NIPSNAP2: variants seen among roughly 807,000 people sequenced by gnomAD.
NIPSNAP2 encodes the protein nipsnap homolog 2.
In NIPSNAP2, 42 loss-of-function variants were observed where a neutral mutation model predicts 48.4. That is an observed-to-expected ratio of 0.87 (90% CI 0.68 to 1.12). The LOEUF is 1.12. Among genes scored for constraint, NIPSNAP2 ranks in the 50% most tolerant of loss-of-function variants. The pLI, the probability that NIPSNAP2 is intolerant of heterozygous loss-of-function variation, is 0.00. For missense variants in NIPSNAP2, 314 were observed against 347.3 expected, an observed-to-expected ratio of 0.90 and a Z score of 0.76; for synonymous variants, 158 against 126.6, an observed-to-expected ratio of 1.25 and a Z score of -1.67.
intron 7 of NIPSNAP2, among the ~76,000 whole-genome samples, chr7:55,989,973 C>T (rs908039744): frequency 6.7e-6 from 1 of 149,240 alleles, no homozygotes; most frequent in Non-Finnish European, 1.5e-5. Context: ...AAAAAATTAG[C>T]TGGGTGTGGT....
chr7:55,997,824 C>T (rs1033565502), intron 9 of NIPSNAP2, among the ~76,000 whole-genome samples: 1 of 152,138 alleles, frequency 6.6e-6, no homozygotes, highest in African/African-American at 2.4e-5. Flanking sequence ...GAACTTAATA[C>T]ATCAATTAAA....
At chr7:55,989,617 C>T (rs940216833) in intron 7 of NIPSNAP2, among the ~76,000 whole-genome samples, 4 of 151,024 alleles carry the variant, frequency 2.6e-5, no homozygotes, top group African/African-American at 9.7e-5. Context: ...AGAGCAAGAT[C>T]CTGTCCCAAA....
intron 3 of NIPSNAP2, chr7:55,980,036 C>T (rs1413755170): frequency 3.2e-6 from 1 of 313,854 alleles, no homozygotes; most frequent in Non-Finnish European, 6.4e-6. Flanking sequence ...ACTGGGCTTC[C>T]TCCTGGGCAC....
At chr7:55,975,803 C>T (rs527608884) in intron 1 of NIPSNAP2, among the ~76,000 whole-genome samples, 2 of 152,136 alleles carry the variant, frequency 1.3e-5, no homozygotes, top group South Asian at 2.1e-4. Flanking sequence ...TTTGGGAGGC[C>T]GAGGTGGGCA....
At chr7:55,993,303 A>T (rs1484828395) in intron 7 of NIPSNAP2, among the ~76,000 whole-genome samples, 2 of 151,904 alleles carry the variant, frequency 1.3e-5, no homozygotes, top group Non-Finnish European at 2.9e-5. Flanking sequence ...TAAAAAAAAA[A>T]AAGGGCTGTA....
intron 7 of NIPSNAP2, among the ~76,000 whole-genome samples, chr7:55,989,800 G>T (rs1030778941): frequency 6.6e-6 from 1 of 152,012 alleles, no homozygotes; most frequent in African/African-American, 2.4e-5. Context: ...TTCATTATGG[G>T]ATTTCTTTGG....
intron 1 of NIPSNAP2, among the ~76,000 whole-genome samples, chr7:55,975,742 A>G (rs1461614241): frequency 3.3e-5 from 5 of 152,214 alleles, no homozygotes; most frequent in South Asian, 2.1e-4. Flanking sequence ...ATGGTTACAT[A>G]AAGTTCAGAA....
chr7:55,969,480 A>G (rs917610836), intron 1 of NIPSNAP2, among the ~76,000 whole-genome samples: 1 of 152,118 alleles, frequency 6.6e-6, no homozygotes, highest in African/African-American at 2.4e-5. Flanking sequence ...CTCAACAGGT[A>G]CTTCGTTAGA....
chr7:55,995,847 G>A (rs59940363), intron 8 of NIPSNAP2, among the ~76,000 whole-genome samples: 5,357 of 152,196 alleles, frequency 0.035, 326 homozygotes, highest in African/African-American at 0.12. Context: ...CTGCCCTGTC[G>A]GGAGGACTCA....
At chr7:55,984,779 C>G in intron 6 of NIPSNAP2, 68 bp from the exon 7 acceptor site, 9 of 1,145,356 alleles carry the variant, frequency 7.9e-6, no homozygotes, top group Non-Finnish European at 1.2e-5. Flanking sequence ...TTTTCTACTG[C>G]TGTTTGCTAT....
At chr7:55,968,991 GA>G (rs1786957265) in intron 1 of NIPSNAP2, among the ~76,000 whole-genome samples, 1 of 151,438 alleles carries the variant, frequency 6.6e-6, no homozygotes, top group Non-Finnish European at 1.5e-5. Flanking sequence ...AGGCTGAAGT[GA>G]GCCGAGATCG....
At position 56,000,129 on chromosome 7, in the gene NIPSNAP2, G is replaced by C. The variant is rs968615202; in HGVS notation, c.*1057G>C. ...AAATGTCAAACTTTTACATGTGAAT[G>C]ATTTTCTCAAAGAACATAGAAAAGT... On this transcript the variant is annotated 3_prime_UTR_variant, in exon 10 of 10. Coordinates refer to ENST00000322090, the MANE Select transcript of NIPSNAP2 (RefSeq NM_001483.3). The C allele has an allele frequency of 1.3e-5, 2 of 152,564 alleles. No homozygotes were observed. The highest frequency in any genetic ancestry group is 2.9e-5 in the Non-Finnish European group (2 of 68,020). The allele number at this position is 152,564 out of a possible 1,614,324, so 9.5% of individuals were successfully genotyped here.
chr7:55,979,142 G>GT (rs1337630234), intron 3 of NIPSNAP2: 3 of 152,154 alleles, frequency 2.0e-5, no homozygotes, highest in Non-Finnish European at 4.4e-5. Context: ...AAAACCTTTT[G>GT]TTTTTTATTG....
intron 4 of NIPSNAP2, chr7:55,981,939 T>C: frequency 3.1e-6 from 1 of 323,124 alleles, no homozygotes. Flanking sequence ...CCCAAGTAGC[T>C]GGAAATACAG....
At chr7:55,974,664 C>A (rs1018969171) in intron 1 of NIPSNAP2, among the ~76,000 whole-genome samples, 9 of 151,802 alleles carry the variant, frequency 5.9e-5, no homozygotes, top group Non-Finnish European at 1.2e-4. Flanking sequence ...CTGGCTAACA[C>A]GGTGAAACCC....
chr7:55,970,055 G>A (rs118175268), intron 1 of NIPSNAP2, among the ~76,000 whole-genome samples: 6,830 of 151,134 alleles, frequency 0.045, 292 homozygotes, highest in East Asian at 0.22. Context: ...TGTGGTCTCA[G>A]CGTTAAGTCC....
intron 7 of NIPSNAP2, among the ~76,000 whole-genome samples, chr7:55,989,975 G>C (rs1235797420): frequency 6.6e-6 from 1 of 151,136 alleles, no homozygotes. Context: ...AAAATTAGCT[G>C]GGTGTGGTGG....
At chr7:55,983,916 C>T (rs1480186924) in intron 6 of NIPSNAP2, 48 bp downstream of exon 6, 2 of 1,571,530 alleles carry the variant, frequency 1.3e-6, no homozygotes, top group East Asian at 2.2e-5. Flanking sequence ...TGTGAAAAAG[C>T]ACAAGCATTT....
intron 6 of NIPSNAP2, 126 bp from the exon 7 acceptor site, chr7:55,984,717 CAAAA>C (rs34985300): frequency 6.1e-3 from 2,963 of 488,212 alleles, no homozygotes; most frequent in Middle Eastern, 8.9e-3. Context: ...GATTCTGTCT[CAAAA>C]AAAAAAAAAA....
Sources: gnomAD v4.1 joint callset for allele counts (sites outside exome capture counted in the v4.1 genomes callset) on GRCh38, gnomAD v4.1.1 for gene constraint, MANE v1.5 for transcripts, NCBI Gene and HGNC (gene_info 2026-07-23, HGNC 2026-07-21) for gene names.